The following LGR6 variants were observed in gnomAD, a reference collection of about 807,000 sequenced individuals.
LGR6 encodes the protein leucine-rich repeat-containing G protein-coupled receptor 6.
LGR6 carries 45 observed loss-of-function variants against 69.4 expected under a neutral mutation model. The observed-to-expected ratio is 0.65, with a 90% CI of 0.51 to 0.83. The LOEUF is 0.83. Among genes scored for constraint, LGR6 ranks in the 40% least tolerant of loss-of-function variants. The probability of loss-of-function intolerance (pLI) is 0.00; values close to 1 mark genes in which losing one functional copy is unlikely to be tolerated. For synonymous variants in LGR6, 538 were observed against 555.0 expected, an observed-to-expected ratio of 0.97 and a Z score of 0.43; for missense variants, 1,108 against 1,246.7, an observed-to-expected ratio of 0.89 and a Z score of 1.68.
chr1:202,256,056 C>T (rs567673534), intron 4 of LGR6, among the ~76,000 whole-genome samples: 1 of 152,274 alleles, frequency 6.6e-6, no homozygotes. Flanking sequence ...CATCTTCCCC[C>T]AGCCCCTGAC....
chr1:202,269,113 C>T (rs1664899419), intron 4 of LGR6, among the ~76,000 whole-genome samples: 1 of 152,054 alleles, frequency 6.6e-6, no homozygotes, highest in Admixed American at 6.6e-5. Context: ...GCTATTTTGT[C>T]CAGGCTGGTC....
At chr1:202,308,820 G>A (rs1184658119) in intron 14 of LGR6, among the ~76,000 whole-genome samples, 1 of 152,248 alleles carries the variant, frequency 6.6e-6, no homozygotes, top group Non-Finnish European at 1.5e-5. Flanking sequence ...GCACCGTTAT[G>A]TATTGAATGA....
At chr1:202,245,509 G>T (rs1334484288) in intron 4 of LGR6, among the ~76,000 whole-genome samples, 9 of 150,190 alleles carry the variant, frequency 6.0e-5, no homozygotes. Flanking sequence ...GCTCAGACTT[G>T]TGGGGCTCCT....
rs897254126 is a variant in LGR6 at position 202,276,197 on chromosome 1, C to G, written c.429-109C>G. The G allele has an allele frequency of 3.7e-5, 30 of 817,808 alleles. No individual in the cohort carries two copies. The African/African-American group carries it at 4.8e-4, about 13-fold the overall frequency. 50.7% of individuals were successfully genotyped at this position (817,808 alleles called of 1,614,324 possible). A position where few individuals can be genotyped will look rare whatever the true frequency, so the allele number is the denominator to read the frequency against. ...TGGTGGCCAAGTCACAACTTTAGTC[C>G]CAGGGAGCCTCAAAGGCCCTGTTGA... On this transcript the variant is annotated intron_variant, in intron 4 of 17. Transcript: ENST00000367278.
intron 6 of LGR6, among the ~76,000 whole-genome samples, chr1:202,295,522 T>C (rs1667091329): frequency 6.6e-6 from 1 of 152,134 alleles, no homozygotes. Context: ...AGGCCATTGC[T>C]TTCATCCCTG....
intron 4 of LGR6, among the ~76,000 whole-genome samples, chr1:202,238,490 C>A (rs1236708780): frequency 6.9e-6 from 1 of 144,562 alleles, no homozygotes; most frequent in African/African-American, 2.6e-5. Context: ...GTGGTGCGAT[C>A]TCAGCTCACT....
chr1:202,241,087 G>A (rs184724761), intron 4 of LGR6, among the ~76,000 whole-genome samples: 1 of 152,316 alleles, frequency 6.6e-6, no homozygotes, highest in East Asian at 1.9e-4. Context: ...GACTCCAAAG[G>A]CTACAAGGGA....
At chr1:202,244,347 C>T (rs958960218) in intron 4 of LGR6, among the ~76,000 whole-genome samples, 5 of 152,190 alleles carry the variant, frequency 3.3e-5, no homozygotes, top group Admixed American at 6.5e-5. Flanking sequence ...GATGTGGTAT[C>T]GGTATGCTAG....
intron 15 of LGR6, 40 bp from the exon 16 acceptor site, chr1:202,310,157 G>T: frequency 6.2e-7 from 1 of 1,608,352 alleles, no homozygotes. Flanking sequence ...AGACCCCAAA[G>T]ATGCTGAGGC....
rs1667572239 is a variant in LGR6 at position 202,301,251 on chromosome 1, A to C, written c.929+16A>C. The C allele has an allele frequency of 6.2e-7, 1 of 1,610,366 alleles. No individual in the cohort carries two copies. The highest frequency in any genetic ancestry group is 1.7e-5 in the Admixed American group (1 of 59,982). On this transcript the variant is annotated intron_variant, in intron 9 of 17. Transcript: ENST00000367278. The stretch of plus-strand genomic sequence containing the variant: ...TCCACACACTGTAAGTTGGCTCCTG[A>C]AGGCTGCTGCAGCCTGAACTTCCCC...
intron 1 of LGR6, among the ~76,000 whole-genome samples, chr1:202,195,991 T>C (rs1658626016): frequency 6.6e-6 from 1 of 152,136 alleles, no homozygotes; most frequent in Admixed American, 6.5e-5. Flanking sequence ...AAGTCTGCAT[T>C]TGGGTTCAGT....
In LGR6 at chr1:202,307,408, G is replaced by T; in HGVS notation, c.1280+7G>T. On this transcript the variant is annotated splice_region_variant and intron_variant, in intron 14 of 17. Coordinates refer to ENST00000367278, the MANE Select transcript of LGR6 (RefSeq NM_001017403.2). ...TGCACTCCCTGGTCAAGCTGTAAGT[G>T]CCTGCTGCATTCTCCTCCAGGATGC... 1 of 1,613,832 alleles carries T rather than the reference G, an allele frequency of 6.2e-7. No individual in the cohort carries two copies. Among genetic ancestry groups the T allele is most frequent in the Non-Finnish European group, 8.5e-7 (1 of 1,179,744 alleles).
intron 1 of LGR6, among the ~76,000 whole-genome samples, chr1:202,199,400 G>T (rs1658756466): frequency 6.6e-6 from 1 of 152,172 alleles, no homozygotes; most frequent in Non-Finnish European, 1.5e-5. Context: ...GTGGGTGAAT[G>T]TGTGGGGGAG....
rs1033257101 is a variant in LGR6 at position 202,316,283 on chromosome 1, T to C, written c.1648+1401T>C. ...GGCCTCAGGCTGCTTCAACTTGTGA[T>C]GGAAAGCAGAAGGGGAGTGGGTATG... On this transcript the variant is annotated intron_variant, in intron 17 of 17. Coordinates refer to ENST00000367278, the MANE Select transcript of LGR6 (RefSeq NM_001017403.2). Among the ~76,000 whole-genome samples the C allele has an allele frequency of 3.9e-5, 6 of 152,150 alleles. No homozygotes were observed. The South Asian group carries it at 1.2e-3, about 32-fold the overall frequency.
At chr1:202,246,618 T>TCCTTC in intron 4 of LGR6, among the ~76,000 whole-genome samples, 1 of 152,066 alleles carries the variant, frequency 6.6e-6, no homozygotes, top group Admixed American at 6.5e-5. Flanking sequence ...CCCATCTTCA[T>TCCTTC]CCTTCCCTTC....
intron 1 of LGR6, chr1:202,197,181 C>A (rs530807667): frequency 2.9e-4 from 146 of 494,964 alleles, no homozygotes; most frequent in African/African-American, 2.6e-3. Flanking sequence ...TCTCTTCCCC[C>A]ACTCCACGGC....
At chr1:202,206,430 T>C (rs980935357) in intron 1 of LGR6, among the ~76,000 whole-genome samples, 2 of 152,246 alleles carry the variant, frequency 1.3e-5, no homozygotes, top group Admixed American at 6.5e-5. Flanking sequence ...CTTCAGCATG[T>C]GTGACTGGGT....
intron 12 of LGR6, 150 bp downstream of exon 12, chr1:202,305,899 A>G: frequency 1.4e-6 from 1 of 710,050 alleles, no homozygotes; most frequent in Non-Finnish European, 2.4e-6. Flanking sequence ...CCCAGAGTTT[A>G]GGGCTGAGAG....
intron 6 of LGR6, among the ~76,000 whole-genome samples, chr1:202,296,533 G>A (rs892306724): frequency 2.0e-5 from 3 of 152,132 alleles, no homozygotes; most frequent in Non-Finnish European, 4.4e-5. Context: ...TGCCTTTGGG[G>A]CTCTTTTCTA....
Sources: gnomAD v4.1 joint callset for allele counts (sites outside exome capture counted in the v4.1 genomes callset) on GRCh38, gnomAD v4.1.1 for gene constraint, MANE v1.5 for transcripts, NCBI Gene and HGNC (gene_info 2026-07-23, HGNC 2026-07-21) for gene names.